GPC5: variants seen among roughly 807,000 people sequenced by gnomAD.
GPC5 encodes glypican-5.
GPC5 carries 47 observed loss-of-function variants against 53.9 expected under a neutral mutation model. That is an observed-to-expected ratio of 0.87 (90% CI 0.69 to 1.11). The LOEUF is 1.11. Ranked by LOEUF, GPC5 falls within the 50% of genes most tolerant of loss-of-function variation. GPC5 has a pLI of 0.00. For missense variants in GPC5, 748 were observed against 713.1 expected, an observed-to-expected ratio of 1.05 and a Z score of -0.56; for synonymous variants, 286 against 263.3, an observed-to-expected ratio of 1.09 and a Z score of -0.84.
At chr13:92,457,719 TG>T (rs1878325509) in intron 7 of GPC5, among the ~76,000 whole-genome samples, 1 of 152,212 alleles carries the variant, frequency 6.6e-6, no homozygotes, top group African/African-American at 2.4e-5. Context: ...CCATGCAAAA[TG>T]GCTTAATGTT....
chr13:92,823,342 G>A (rs1223240799), intron 7 of GPC5, among the ~76,000 whole-genome samples: 1 of 151,858 alleles, frequency 6.6e-6, no homozygotes, highest in Admixed American at 6.6e-5. Context: ...AAATGACTTG[G>A]GAAAATACAA....
chr13:92,012,382 C>G (rs1390383052), intron 6 of GPC5, among the ~76,000 whole-genome samples: 1 of 152,032 alleles, frequency 6.6e-6, no homozygotes, highest in Admixed American at 6.5e-5. Flanking sequence ...TTTTTATCTC[C>G]TCTTGTTACT....
chr13:91,685,731 A>G (rs2035607728), intron 2 of GPC5, among the ~76,000 whole-genome samples: 1 of 152,176 alleles, frequency 6.6e-6, no homozygotes, highest in Non-Finnish European at 1.5e-5. Context: ...GATGAATGAA[A>G]GAATGAATAT....
intron 7 of GPC5, among the ~76,000 whole-genome samples, chr13:92,838,085 T>TAA (rs112798292): frequency 1.3e-3 from 180 of 136,870 alleles, no homozygotes; most frequent in African/African-American, 4.5e-3. Flanking sequence ...TCTCAAAAAA[T>TAA]AAAAAAAAAA....
intron 7 of GPC5, among the ~76,000 whole-genome samples, chr13:92,743,726 C>T (rs554493459): frequency 2.6e-5 from 4 of 152,218 alleles, no homozygotes; most frequent in Non-Finnish European, 4.4e-5. Context: ...GTGGGTTTCT[C>T]ATAAATAGCT....
At chr13:92,617,300 G>T (rs1418764783) in intron 7 of GPC5, among the ~76,000 whole-genome samples, 5 of 151,986 alleles carry the variant, frequency 3.3e-5, no homozygotes, top group Non-Finnish European at 7.4e-5. Flanking sequence ...AGAAGCTAGT[G>T]GTATCATAAT....
chr13:91,462,158 C>T (rs943934119), intron 2 of GPC5, among the ~76,000 whole-genome samples: 3 of 152,074 alleles, frequency 2.0e-5, no homozygotes, highest in Non-Finnish European at 4.4e-5. Flanking sequence ...AGAAATTATT[C>T]AATGACTGGC....
At chr13:92,415,223 T>G (rs1005510098) in intron 7 of GPC5, among the ~76,000 whole-genome samples, 17 of 152,106 alleles carry the variant, frequency 1.1e-4, no homozygotes, top group Non-Finnish European at 2.4e-4. Context: ...AATTAATTGA[T>G]TTTAAACAGA....
At chr13:91,523,988 A>G (rs1885963697) in intron 2 of GPC5, among the ~76,000 whole-genome samples, 2 of 152,002 alleles carry the variant, frequency 1.3e-5, no homozygotes, top group African/African-American at 2.4e-5. Flanking sequence ...TTAGAAAACT[A>G]CATTTATTAT....
At chr13:92,738,678 T>C (rs1465051637) in intron 7 of GPC5, among the ~76,000 whole-genome samples, 1 of 152,076 alleles carries the variant, frequency 6.6e-6, no homozygotes, top group Non-Finnish European at 1.5e-5. Context: ...GTTCTTTCTT[T>C]TAAATTTTCC....
intron 2 of GPC5, among the ~76,000 whole-genome samples, chr13:91,501,240 G>GTTTTTTTTTTTTTT (rs140865584): frequency 9.4e-6 from 1 of 106,440 alleles, no homozygotes; most frequent in Admixed American, 9.6e-5. Context: ...TTAAGACTTT[G>GTTTTTTTTTTTTTT]TTTTTTTTTT....
At chr13:91,806,692 C>T (rs1040399558) in intron 5 of GPC5, among the ~76,000 whole-genome samples, 4 of 152,144 alleles carry the variant, frequency 2.6e-5, no homozygotes, top group African/African-American at 9.7e-5. Context: ...TGTGTTTTCC[C>T]TTTCTATTTG....
intron 2 of GPC5, among the ~76,000 whole-genome samples, chr13:91,514,853 T>A (rs1885410604): frequency 6.6e-6 from 1 of 152,172 alleles, no homozygotes; most frequent in Admixed American, 6.5e-5. Flanking sequence ...ACTTTCTATA[T>A]TCTTATTGAC....
intron 7 of GPC5, among the ~76,000 whole-genome samples, chr13:92,455,992 G>C (rs1396587855): frequency 6.6e-6 from 1 of 152,128 alleles, no homozygotes; most frequent in Non-Finnish European, 1.5e-5. Flanking sequence ...CTCAAATAGA[G>C]AAAACACAGA....
At chr13:92,717,101 C>T (rs745457854) in intron 7 of GPC5, among the ~76,000 whole-genome samples, 2 of 151,906 alleles carry the variant, frequency 1.3e-5, no homozygotes, top group African/African-American at 2.4e-5. Context: ...ACTTCTCAAA[C>T]CGTATTCTTC....
Position 92,867,059 on chromosome 13 carries a change from C to T in GPC5, c.*620C>T, listed in dbSNP as rs1159626237. 2 of 152,142 alleles carry T rather than the reference C, an allele frequency of 1.3e-5. No individual in the cohort carries two copies. The highest frequency in any genetic ancestry group is 4.8e-5 in the African/African-American group (2 of 41,536). The allele number at this position is 152,142 out of a possible 1,614,324, so 9.4% of individuals were successfully genotyped here. A position where few individuals can be genotyped will look rare whatever the true frequency, so the allele number is the denominator to read the frequency against. On this transcript the variant is annotated 3_prime_UTR_variant, in exon 8 of 8. Transcript: ENST00000377067. ...CCACTGTAACTTAGCCACTGATGAA[C>T]CTTAAAGCTGAGTATTTTATTAACA...
intron 6 of GPC5, among the ~76,000 whole-genome samples, chr13:91,942,969 TATATC>T (rs1042019585): frequency 2.6e-5 from 4 of 152,130 alleles, no homozygotes; most frequent in South Asian, 2.1e-4. Flanking sequence ...GATAAATAAT[TATATC>T]ATTCATTAAT....
intron 7 of GPC5, among the ~76,000 whole-genome samples, chr13:92,424,492 C>T (rs1044144466): frequency 8.6e-5 from 13 of 151,776 alleles, no homozygotes; most frequent in Admixed American, 7.2e-4. Context: ...AAACAAAATG[C>T]CTTTATCTTT....
intron 3 of GPC5, among the ~76,000 whole-genome samples, chr13:91,721,417 G>A (rs1346710365): frequency 6.6e-6 from 1 of 152,120 alleles, no homozygotes; most frequent in Non-Finnish European, 1.5e-5. Flanking sequence ...TTACAGGCGT[G>A]AGCCACCGTG....
Sources: allele counts gnomAD v4.1 joint callset (sites outside exome capture counted in the v4.1 genomes callset), GRCh38; gene constraint gnomAD v4.1.1; transcripts MANE v1.5; gene names NCBI Gene and HGNC (gene_info 2026-07-23, HGNC 2026-07-21).